SCD5: variants seen among roughly 807,000 people sequenced by gnomAD.
SCD5 encodes acyl-CoA-desaturase 4.
SCD5 carries 20 observed loss-of-function variants against 30.4 expected under a neutral mutation model. The ratio of observed to expected loss-of-function variants is 0.66; its 90% CI spans 0.46 to 0.96. SCD5 has a LOEUF of 0.96. SCD5 is among the 40% of genes least tolerant of loss of function. The pLI is 0.00. For missense variants in SCD5, 381 were observed against 443.3 expected, an observed-to-expected ratio of 0.86 and a Z score of 1.26; for synonymous variants, 173 against 176.4, an observed-to-expected ratio of 0.98 and a Z score of 0.16.
intron 1 of SCD5, among the ~76,000 whole-genome samples, chr4:82,797,315 C>T (rs1467385655): frequency 6.6e-6 from 1 of 152,234 alleles, no homozygotes; most frequent in Non-Finnish European, 1.5e-5. Flanking sequence ...GTCAAATTCT[C>T]ACTCAGCATA....
intron 1 of SCD5, among the ~76,000 whole-genome samples, chr4:82,754,474 G>A (rs1721184996): frequency 6.6e-6 from 1 of 152,196 alleles, no homozygotes; most frequent in Admixed American, 6.5e-5. Flanking sequence ...AGGGGTCTGG[G>A]TGGTCCTAAG....
chr4:82,711,487 G>A (rs993362506), intron 1 of SCD5, among the ~76,000 whole-genome samples: 12 of 152,168 alleles, frequency 7.9e-5, no homozygotes, highest in African/African-American at 2.9e-4. Context: ...GCCAAGGCAG[G>A]TGGATTACCT....
intron 1 of SCD5, among the ~76,000 whole-genome samples, chr4:82,779,463 G>T (rs1721824058): frequency 1.3e-5 from 2 of 152,208 alleles, no homozygotes; most frequent in Non-Finnish European, 2.9e-5. Flanking sequence ...TTTCTAATCT[G>T]CAGGAAATAG....
chr4:82,756,454 G>A (rs1187459234), intron 1 of SCD5, among the ~76,000 whole-genome samples: 2 of 152,190 alleles, frequency 1.3e-5, no homozygotes, highest in Non-Finnish European at 2.9e-5. Context: ...GGCTGGGCAA[G>A]GTGGCTCACG....
intron 1 of SCD5, among the ~76,000 whole-genome samples, chr4:82,736,842 A>T (rs1720762628): frequency 6.6e-6 from 1 of 151,708 alleles, no homozygotes; most frequent in Non-Finnish European, 1.5e-5. Flanking sequence ...TTTTAAAAAA[A>T]TTTTGTAGAC....
At chr4:82,712,277 TATATATATA>T (rs1720118255) in intron 1 of SCD5, among the ~76,000 whole-genome samples, 1 of 48,962 alleles carries the variant, frequency 2.0e-5, no homozygotes, top group Admixed American at 2.1e-4. Flanking sequence ...TATATATATA[TATATATATA>T]TATATATATA....
chr4:82,765,561 T>G (rs967565730), intron 1 of SCD5, among the ~76,000 whole-genome samples: 3 of 152,178 alleles, frequency 2.0e-5, no homozygotes, highest in Non-Finnish European at 4.4e-5. Context: ...GTAAATGCTA[T>G]ATAAATAATT....
rs555673907 is a variant in SCD5 at position 82,736,157 on chromosome 4, A to G, written c.233-30744T>C. ...TAAAAAATTAGCAGGGTGTGGTGGCATGTGCCTGTAGTCCCAGCTACTCTG... is the reference window on the plus strand; with the variant it reads ...TAAAAAATTAGCAGGGTGTGGTGGCGTGTGCCTGTAGTCCCAGCTACTCTG... On this transcript the variant is annotated intron_variant, in intron 1 of 4. Transcript: ENST00000319540. 1.2e-3 allele frequency among the ~76,000 whole-genome samples: 184 copies of G among 152,012 alleles called. 1 individual carries two copies. Among genetic ancestry groups the G allele is most frequent in the African/African-American group, 4.2e-3 (173 of 41,448 alleles).
chr4:82,784,890 G>A (rs1436170178), intron 1 of SCD5, among the ~76,000 whole-genome samples: 2 of 152,228 alleles, frequency 1.3e-5, no homozygotes, highest in East Asian at 3.8e-4. Flanking sequence ...TAACCCTTTA[G>A]CTCCTGGATT....
chr4:82,649,454 T>TA (rs1279496480), intron 3 of SCD5, among the ~76,000 whole-genome samples: 3 of 152,138 alleles, frequency 2.0e-5, no homozygotes, highest in Non-Finnish European at 4.4e-5. Flanking sequence ...TTGGATTGGC[T>TA]AAAAATACTG....
intron 1 of SCD5, among the ~76,000 whole-genome samples, chr4:82,706,505 T>C (rs1004093089): frequency 6.6e-6 from 1 of 152,280 alleles, no homozygotes; most frequent in Non-Finnish European, 1.5e-5. Context: ...GTAGTGGCTG[T>C]CGGTTTCCCA....
At chr4:82,797,223 G>C (rs1722244618) in intron 1 of SCD5, among the ~76,000 whole-genome samples, 1 of 152,172 alleles carries the variant, frequency 6.6e-6, no homozygotes, top group Non-Finnish European at 1.5e-5. Context: ...TTCCCCTCTG[G>C]AAATAAAAGT....
chr4:82,687,540 T>C (rs1020584577), intron 2 of SCD5, among the ~76,000 whole-genome samples: 2 of 152,246 alleles, frequency 1.3e-5, no homozygotes, highest in African/African-American at 4.8e-5. Flanking sequence ...CTTTATGTCA[T>C]CCTTCTTCTA....
At chr4:82,684,584 T>C (rs1386557731) in intron 2 of SCD5, among the ~76,000 whole-genome samples, 4 of 152,152 alleles carry the variant, frequency 2.6e-5, no homozygotes, top group Admixed American at 2.6e-4. Context: ...TTTGGGTACC[T>C]AGAGCTCATT....
chr4:82,717,989 G>A (rs1720266738), intron 1 of SCD5, among the ~76,000 whole-genome samples: 1 of 149,844 alleles, frequency 6.7e-6, no homozygotes, highest in East Asian at 1.9e-4. Context: ...TACCAAAAGT[G>A]GTCAATTTCA....
In SCD5 at chr4:82,631,420, G is replaced by A. The variant is rs769092388; in HGVS notation, c.900C>T (p.Phe300=). The change falls in exon 5 of 5, where the codon TTC becomes TTT. Residue 300 remains phenylalanine, a synonymous_variant. Transcript: ENST00000319540. ...NFNPTTWFID[F]MCWLGLATDR... Reference sequence around the variant, plus strand: ...CAGTGGCCAGCCCCAGCCAGCACATGAAATCAATGAACCAGGTGGTTGGGT... The same window carrying A: ...CAGTGGCCAGCCCCAGCCAGCACATAAAATCAATGAACCAGGTGGTTGGGT... 3.1e-5 allele frequency: 50 copies of A among 1,614,058 alleles called. No individual in the cohort carries two copies. The highest frequency in any genetic ancestry group is 1.3e-4 in the Admixed American group (8 of 60,008).
intron 3 of SCD5, among the ~76,000 whole-genome samples, chr4:82,650,440 A>G (rs1727727517): frequency 6.6e-6 from 1 of 152,194 alleles, no homozygotes. Context: ...CATGCCTGTA[A>G]TCCCAGCACT....
At chr4:82,778,223 TG>T (rs1395913640) in intron 1 of SCD5, among the ~76,000 whole-genome samples, 1 of 151,894 alleles carries the variant, frequency 6.6e-6, no homozygotes, top group Admixed American at 6.6e-5. Context: ...GTTGGGGGAT[TG>T]GGGGTGAGGG....
At chr4:82,773,244 G>A (rs1297452613) in intron 1 of SCD5, among the ~76,000 whole-genome samples, 3 of 152,154 alleles carry the variant, frequency 2.0e-5, no homozygotes, top group African/African-American at 4.8e-5. Context: ...CCCTAAAGAC[G>A]ACATAGTTGC....
Sources: gnomAD v4.1 joint callset for allele counts (sites outside exome capture counted in the v4.1 genomes callset) on GRCh38, gnomAD v4.1.1 for gene constraint, MANE v1.5 for transcripts, NCBI Gene and HGNC (gene_info 2026-07-23, HGNC 2026-07-21) for gene names.